Variants in STRIP2 observed in about 807,000 individuals in gnomAD.
STRIP2 encodes the protein striatin interacting protein 2.
Under a neutral mutation model 107.1 loss-of-function variants are expected in STRIP2, and 84 were observed. That is an observed-to-expected ratio of 0.78 (90% CI 0.66 to 0.94). The LOEUF is 0.94. Among genes scored for constraint, STRIP2 ranks in the 40% least tolerant of loss-of-function variants. The probability of loss-of-function intolerance (pLI) is 0.00; values close to 1 mark genes in which losing one functional copy is unlikely to be tolerated. For missense variants in STRIP2, 888 were observed against 1,034.2 expected (o/e 0.86, Z 1.94); for synonymous variants, 394 against 400.4 (o/e 0.98, Z 0.19).
intron 20 of STRIP2, 63 bp from the exon 21 acceptor site, chr7:129,485,514 GCT>G: frequency 2.6e-6 from 4 of 1,563,362 alleles, no homozygotes; most frequent in Non-Finnish European, 3.5e-6. Flanking sequence ...CATAGACCAT[GCT>G]CTGTGATAAG....
chr7:129,482,900 C>A lies in STRIP2; in HGVS notation c.2108C>A (p.Ala703Asp), dbSNP rs146356938. ...AAGCGGGCCCTCAAGGTCAAACAGG[C>A]CATGCTGCAACTTTATGTCCTAAAG... ...ILKRALKVKQ[A>D]MLQLYVLKLL... The change falls in exon 20 of 21, where the codon GCC (alanine) becomes GAC (aspartate). Residue 703 changes from alanine (A) to aspartate (D), a missense_variant. Ala to Asp is a moderately radical substitution (Grantham distance 126, BLOSUM62 -2). Coordinates refer to ENST00000249344, the MANE Select transcript of STRIP2 (RefSeq NM_020704.3). 7 of 1,613,932 alleles carry A rather than the reference C, an allele frequency of 4.3e-6. No homozygotes were observed. Among genetic ancestry groups the A allele is most frequent in the Admixed American group, 1.7e-5 (1 of 59,974 alleles).
chr7:129,482,382 T>A (rs1460249197), intron 19 of STRIP2, among the ~76,000 whole-genome samples: 145 of 136,946 alleles, frequency 1.1e-3, no homozygotes, highest in Admixed American at 2.7e-3. Flanking sequence ...TATATATTTT[T>A]TTTTTTTTTT....
Position 129,434,512 on chromosome 7 carries a change from G to T in STRIP2, c.40G>T (p.Ala14Ser). The part of the protein sequence containing the change: ...PAAPGTGGPP[A>S]NGNGNGGGKG... ...CGCGCCTGGGACCGGGGGCCCGCCC[G>T]CAAATGGCAATGGCAACGGCGGCGG... The change falls in exon 1 of 21, where the codon GCA becomes TCA. Residue 14 changes from alanine to serine, a missense_variant. Ala to Ser is a moderately conservative substitution (Grantham distance 99, BLOSUM62 1). Transcript: ENST00000249344. The T allele has an allele frequency of 6.6e-7, 1 of 1,517,500 alleles. No individual in the cohort carries two copies. The highest frequency in any genetic ancestry group is 1.2e-5 in the South Asian group (1 of 82,060). The allele number at this position is 1,517,500 out of a possible 1,614,324, so 94.0% of individuals were successfully genotyped here.
intron 18 of STRIP2, among the ~76,000 whole-genome samples, chr7:129,478,471 C>T (rs1355916691): frequency 6.6e-6 from 1 of 152,192 alleles, no homozygotes; most frequent in Non-Finnish European, 1.5e-5. Context: ...GATGGCACCA[C>T]TGCACTCCAG....
Position 129,476,780 on chromosome 7 carries a change from G to T in STRIP2, c.1945-4005G>T, listed in dbSNP as rs1172988488. Reference sequence around the variant, plus strand: ...TCACTTCCCAGACGGGGTGGCGGCCGGGCAGAGGCTGCAATCTCGGCACTT... The same window carrying T: ...TCACTTCCCAGACGGGGTGGCGGCCTGGCAGAGGCTGCAATCTCGGCACTT... On this transcript the variant is annotated intron_variant, in intron 18 of 20. Transcript: ENST00000249344. Among the ~76,000 whole-genome samples the T allele has an allele frequency of 4.0e-5, 6 of 151,040 alleles. No individual in the cohort carries two copies. In the East Asian group the frequency reaches 8.0e-4, roughly 20 times the overall value.
At chr7:129,470,570 A>C in intron 17 of STRIP2, 79 bp from the exon 18 acceptor site, 1 of 1,188,924 alleles carries the variant, frequency 8.4e-7, no homozygotes. Context: ...GAGAGAAATA[A>C]CTCCTGCCCT....
chr7:129,487,331 C>T lies in STRIP2; in HGVS notation c.*1502C>T, dbSNP rs1049643833. 2.0e-5 allele frequency: 3 copies of T among 152,088 alleles called. No homozygotes were observed. Among genetic ancestry groups the T allele is most frequent in the African/African-American group, 7.2e-5 (3 of 41,402 alleles). The allele number at this position is 152,088 out of a possible 1,614,324, so 9.4% of individuals were successfully genotyped here. A position where few individuals can be genotyped will look rare whatever the true frequency, so the allele number is the denominator to read the frequency against. Reference sequence around the variant, plus strand: ...TGCCCAGCCTCTTCAAGCTTTTTTACTATACATGTTGCCCCTCTCCCCCAA... The same window carrying T: ...TGCCCAGCCTCTTCAAGCTTTTTTATTATACATGTTGCCCCTCTCCCCCAA... On this transcript the variant is annotated 3_prime_UTR_variant, in exon 21 of 21. Transcript: ENST00000249344.
At position 129,464,657 on chromosome 7, in the gene STRIP2, G is replaced by T. The variant is rs1369618200; in HGVS notation, c.1695G>T (p.Arg565Ser). The T allele has an allele frequency of 6.2e-7, 1 of 1,613,868 alleles. No individual in the cohort carries two copies. The highest frequency in any genetic ancestry group is 8.5e-7 in the Non-Finnish European group (1 of 1,179,954). The change falls in exon 16 of 21, where the codon AGG becomes AGT. Residue 565 changes from arginine to serine, a missense_variant. By Grantham distance (110) the Arg-to-Ser change is moderately radical. Coordinates refer to ENST00000249344, the MANE Select transcript of STRIP2 (RefSeq NM_020704.3). ...TGAAGCTGGGCATCGATGTGAACAG[G>T]CACAAGGAGATTATTGTAAAGAGTA... ...QSMKLGIDVN[R>S]HKEIIVKSIS...
chr7:129,482,954 G>C lies in STRIP2; in HGVS notation c.2162G>C (p.Gly721Ala). Residue 721 changes from glycine (G) to alanine (A), a missense_variant, in exon 20 of 21, where the codon GGG (glycine) becomes GCG (alanine). Coordinates refer to ENST00000249344, the MANE Select transcript of STRIP2 (RefSeq NM_020704.3). ...KLLKLQTKYL[G>A]RQWRKSNMKT... ...CTAAAGTTACAGACCAAGTACCTGG[G>C]GCGCCAATGGAGGAAAAGCAACATG... The C allele has an allele frequency of 6.2e-7, 1 of 1,614,156 alleles. No individual in the cohort carries two copies. The highest frequency in any genetic ancestry group is 8.5e-7 in the Non-Finnish European group (1 of 1,180,042).
At position 129,482,811 on chromosome 7, in the gene STRIP2, A is replaced by C. The variant is rs771090453; in HGVS notation, c.2050-31A>C. ...AACTGGAAATTCCAAGAAACGTTAG[A>C]TCTTTACCCCACCCCTCTTTCAATG... On this transcript the variant is annotated intron_variant, in intron 19 of 20. Transcript: ENST00000249344. The C allele has an allele frequency of 3.1e-6, 5 of 1,610,418 alleles. No homozygotes were observed. In the African/African-American group the frequency reaches 4.0e-5, roughly 13 times the overall value.
chr7:129,460,343 G>T lies in STRIP2; in HGVS notation c.1447G>T (p.Glu483Ter), dbSNP rs765942088. The T allele has an allele frequency of 6.2e-7, 1 of 1,614,024 alleles. No homozygotes were observed. The highest frequency in any genetic ancestry group is 8.5e-7 in the Non-Finnish European group (1 of 1,179,954). ...CGCAGATGTGCAGATCAAGAATGAA[G>T]AGGAGCTGGAGAAGTGCCCTATGTC... The part of the protein sequence containing the change: ...SIADVQIKNE[E>*]ELEKCPMSLG... The change falls in exon 13 of 21, where the codon GAG becomes TAG. Residue 483 changes from glutamate (E) to a stop codon, truncating the protein, a stop_gained. Transcript: ENST00000249344. LOFTEE classifies it high-confidence loss of function.
chr7:129,477,127 A>G (rs1798982328), intron 18 of STRIP2, among the ~76,000 whole-genome samples: 1 of 145,700 alleles, frequency 6.9e-6, no homozygotes, highest in South Asian at 2.3e-4. Flanking sequence ...TGGCAGCAGT[A>G]CAGTCCAGCT....
At chr7:129,480,724 G>A in intron 18 of STRIP2, 61 bp from the exon 19 acceptor site, 1 of 1,411,696 alleles carries the variant, frequency 7.1e-7, no homozygotes, top group South Asian at 1.3e-5. Flanking sequence ...TGACTTCCAG[G>A]CTTCTGTGGG....
intron 18 of STRIP2, among the ~76,000 whole-genome samples, chr7:129,475,871 C>T (rs936930427): frequency 2.6e-5 from 4 of 152,040 alleles, no homozygotes; most frequent in African/African-American, 9.7e-5. Flanking sequence ...CAGAGAGCAC[C>T]GGGTTGGGGG....
intron 1 of STRIP2, among the ~76,000 whole-genome samples, chr7:129,439,725 A>T (rs779381275): frequency 7.2e-5 from 11 of 152,188 alleles, no homozygotes; most frequent in Admixed American, 2.0e-4. Flanking sequence ...GTCTGTGTTC[A>T]TGTAGATTAG....
Position 129,467,402 on chromosome 7 carries a change from T to C in STRIP2, c.1829T>C (p.Leu610Pro). The change falls in exon 17 of 21, where the codon CTG becomes CCG. Residue 610 changes from leucine to proline, a missense_variant. By Grantham distance (98) the Leu-to-Pro change is moderately conservative. Transcript: ENST00000249344. ...LVFANCIPLI[L>P]KFFNQNILSY... ...TTTGCCAACTGCATCCCCTTGATCC[T>C]GAAGTTCTTCAATCAAAATATCTTG... is the stretch of plus-strand genomic sequence containing the variant. 1 of 1,613,816 alleles carries C rather than the reference T, an allele frequency of 6.2e-7. No individual in the cohort carries two copies. Among genetic ancestry groups the C allele is most frequent in the South Asian group, 1.1e-5 (1 of 91,060 alleles).
chr7:129,464,871 C>T (rs1245269212), intron 16 of STRIP2, 133 bp downstream of exon 16: 1 of 1,189,970 alleles, frequency 8.4e-7, no homozygotes, highest in Non-Finnish European at 1.2e-6. Context: ...CTCAGGGAAT[C>T]CAGCCACCCA....
At chr7:129,481,316 G>A (rs1799110925) in intron 19 of STRIP2, among the ~76,000 whole-genome samples, 1 of 151,234 alleles carries the variant, frequency 6.6e-6, no homozygotes, top group African/African-American at 2.4e-5. Context: ...GACCAACATG[G>A]TGAAACTCCA....
intron 1 of STRIP2, among the ~76,000 whole-genome samples, chr7:129,439,365 A>T (rs1234277292): frequency 1.3e-5 from 2 of 152,240 alleles, no homozygotes; most frequent in Non-Finnish European, 2.9e-5. Context: ...TGAAAATTTT[A>T]AAAATTCATA....
Sources: allele counts gnomAD v4.1 joint callset (sites outside exome capture counted in the v4.1 genomes callset), GRCh38; gene constraint gnomAD v4.1.1; transcripts MANE v1.5; gene names NCBI Gene and HGNC (gene_info 2026-07-23, HGNC 2026-07-21).